TAFA2: variants seen among roughly 807,000 people sequenced by gnomAD.
TAFA2 encodes TAFA chemokine like family member 2, also known as chemokine-like protein TAFA-2.
Under a neutral mutation model 18.8 loss-of-function variants are expected in TAFA2, and 7 were observed. The observed-to-expected ratio is 0.37, with a 90% confidence interval of 0.21 to 0.70. TAFA2 has a LOEUF of 0.70. TAFA2 is among the 30% of genes least tolerant of loss of function. The probability of loss-of-function intolerance (pLI) is 0.53; values close to 1 mark genes in which losing one functional copy is unlikely to be tolerated. For synonymous variants in TAFA2, 60 were observed against 54.2 expected (o/e 1.11, Z -0.47); for missense variants, 122 against 158.1 (o/e 0.77, Z 1.23).
At chr12:61,902,881 C>T (rs1368778756) in intron 1 of TAFA2, among the ~76,000 whole-genome samples, 2 of 141,766 alleles carry the variant, frequency 1.4e-5, no homozygotes, top group African/African-American at 5.6e-5. Flanking sequence ...TTCATTGCAC[C>T]ACCATCCAAC....
chr12:62,148,172 A>G (rs1326874956), intron 1 of TAFA2, among the ~76,000 whole-genome samples: 4 of 152,208 alleles, frequency 2.6e-5, no homozygotes, highest in Admixed American at 2.6e-4. Flanking sequence ...CAAAAAACTA[A>G]AAATAAAATT....
At chr12:62,115,377 C>A (rs931742341) in intron 1 of TAFA2, among the ~76,000 whole-genome samples, 1 of 152,080 alleles carries the variant, frequency 6.6e-6, no homozygotes, top group African/African-American at 2.4e-5. Context: ...CATATTACAG[C>A]GCTATGGTAA....
rs571674657 is a variant in TAFA2, at chr12:61,845,510, T to C, written c.106+21810A>G. 2.0e-5 allele frequency among the ~76,000 whole-genome samples: 3 copies of C among 152,296 alleles called. No individual in the cohort carries two copies. The East Asian group carries it at 5.8e-4, about 29-fold the overall frequency. On this transcript the variant is annotated intron_variant, in intron 2 of 4. Coordinates refer to ENST00000416284, the MANE Select transcript of TAFA2 (RefSeq NM_178539.5). ...CCTTGAAACATTGCATCATGGACGA[T>C]TGTGGCTTCAGGATCAAACTTTGGT...
intron 1 of TAFA2, among the ~76,000 whole-genome samples, chr12:61,877,246 C>G (rs920665735): frequency 6.6e-6 from 1 of 152,138 alleles, no homozygotes; most frequent in South Asian, 2.1e-4. Flanking sequence ...CTTTTTTACT[C>G]TTTCCCTTTA....
At chr12:61,762,335 G>A (rs1213349659) in intron 2 of TAFA2, among the ~76,000 whole-genome samples, 1 of 151,970 alleles carries the variant, frequency 6.6e-6, no homozygotes, top group Non-Finnish European at 1.5e-5. Context: ...TGATAACCTT[G>A]AAAGAGCTTA....
intron 1 of TAFA2, among the ~76,000 whole-genome samples, chr12:62,092,312 C>G (rs1868750486): frequency 6.6e-6 from 1 of 151,946 alleles, no homozygotes; most frequent in South Asian, 2.1e-4. Flanking sequence ...ACTTCATCTT[C>G]TATTACCCCA....
intron 1 of TAFA2, among the ~76,000 whole-genome samples, chr12:61,885,424 C>G (rs976026288): frequency 6.6e-6 from 1 of 152,212 alleles, no homozygotes; most frequent in African/African-American, 2.4e-5. Flanking sequence ...ACTTTCCATA[C>G]TGAGAATTGT....
intron 2 of TAFA2, among the ~76,000 whole-genome samples, chr12:61,814,227 G>A (rs1212970940): frequency 6.6e-6 from 1 of 151,300 alleles, no homozygotes; most frequent in Non-Finnish European, 1.5e-5. Context: ...GGAGTAAAAA[G>A]TGCTAGGCCT....
intron 4 of TAFA2, among the ~76,000 whole-genome samples, chr12:61,727,974 A>G (rs1397648153): frequency 6.7e-6 from 1 of 150,154 alleles, no homozygotes; most frequent in East Asian, 1.9e-4. Context: ...TTGACCCAAC[A>G]TGAATCATTC....
chr12:61,805,364 A>T (rs1447448873), intron 2 of TAFA2, among the ~76,000 whole-genome samples: 2 of 152,042 alleles, frequency 1.3e-5, no homozygotes, highest in Non-Finnish European at 2.9e-5. Context: ...CTCATTCGTG[A>T]TCCAATTTTT....
At chr12:62,220,430 C>T (rs2062755800) in intron 1 of TAFA2, among the ~76,000 whole-genome samples, 1 of 152,178 alleles carries the variant, frequency 6.6e-6, no homozygotes, top group East Asian at 1.9e-4. Flanking sequence ...GCAACAGGAA[C>T]TGTCACTCAC....
intron 1 of TAFA2, among the ~76,000 whole-genome samples, chr12:62,167,561 T>C (rs746874168): frequency 3.0e-4 from 46 of 152,316 alleles, no homozygotes; most frequent in Middle Eastern, 3.4e-3. Flanking sequence ...TCAAAGAAAT[T>C]AAGTTAAAAC....
upstream of TAFA2, among the ~76,000 whole-genome samples, chr12:62,193,484 A>T (rs1365526358): frequency 1.3e-5 from 2 of 152,240 alleles, no homozygotes; most frequent in South Asian, 4.1e-4. Context: ...CCAGCTATAA[A>T]ATAAAAGTAA....
chr12:62,012,411 T>G (rs1463689452), intron 1 of TAFA2, among the ~76,000 whole-genome samples: 1 of 50,778 alleles, frequency 2.0e-5, no homozygotes, highest in East Asian at 4.1e-4. Context: ...ATTTCAGCAT[T>G]TAAAAAAAAA....
At chr12:62,028,501 T>C (rs538222864) in intron 1 of TAFA2, among the ~76,000 whole-genome samples, 71 of 152,326 alleles carry the variant, frequency 4.7e-4, no homozygotes, top group African/African-American at 1.5e-3. Context: ...AGCTATTGAA[T>C]GCTTACTACA....
At chr12:62,020,455 A>C (rs1310351475) in intron 1 of TAFA2, among the ~76,000 whole-genome samples, 1 of 152,236 alleles carries the variant, frequency 6.6e-6, no homozygotes, top group Non-Finnish European at 1.5e-5. Flanking sequence ...GAACATTCCA[A>C]GTAAAGAAAA....
intron 2 of TAFA2, among the ~76,000 whole-genome samples, chr12:61,765,911 A>C (rs1869770152): frequency 6.6e-6 from 1 of 152,090 alleles, no homozygotes; most frequent in African/African-American, 2.4e-5. Flanking sequence ...AGGAGGAGAT[A>C]GCTAACTAGA....
At chr12:61,784,917 T>A (rs531333044) in intron 2 of TAFA2, among the ~76,000 whole-genome samples, 2 of 151,730 alleles carry the variant, frequency 1.3e-5, no homozygotes, top group Non-Finnish European at 3.0e-5. Flanking sequence ...ATCAGAGTTA[T>A]TAGTGTATCC....
chr12:61,990,330 T>A (rs1879958979), intron 1 of TAFA2, among the ~76,000 whole-genome samples: 1 of 130,438 alleles, frequency 7.7e-6, no homozygotes, highest in Non-Finnish European at 1.6e-5. Flanking sequence ...AGCTAAACAC[T>A]GTGCCAATTT....
Sources: allele counts gnomAD v4.1 joint callset (sites outside exome capture counted in the v4.1 genomes callset), GRCh38; gene constraint gnomAD v4.1.1; transcripts MANE v1.5; gene names NCBI Gene and HGNC (gene_info 2026-07-23, HGNC 2026-07-21).